RBFOX1: variants seen among roughly 807,000 people sequenced by gnomAD.
RBFOX1 encodes the protein RNA binding protein fox-1 homolog 1.
In RBFOX1, 8 loss-of-function variants were observed where a neutral mutation model predicts 57.7. The ratio of observed to expected loss-of-function variants is 0.14; its 90% CI spans 0.08 to 0.25. RBFOX1 has a LOEUF of 0.25. Among genes scored for constraint, RBFOX1 ranks in the 10% least tolerant of loss-of-function variants. The pLI is 1.00. For missense variants in RBFOX1, 611 were observed against 548.5 expected (o/e 1.11, Z -1.14); for synonymous variants, 326 against 222.4 (o/e 1.47, Z -4.15).
chr16:7,179,230 T>C (rs1333204800), intron 4 of RBFOX1, among the ~76,000 whole-genome samples: 1 of 152,030 alleles, frequency 6.6e-6, no homozygotes, highest in Non-Finnish European at 1.5e-5. Context: ...GGATTTTTTT[T>C]TTTTTTCCAA....
chr16:6,542,290 T>C (rs185000235), intron 2 of RBFOX1, among the ~76,000 whole-genome samples: 16 of 152,038 alleles, frequency 1.1e-4, no homozygotes, highest in South Asian at 8.3e-4. Context: ...CAGATACTTA[T>C]CTGTTTCTTT....
chr16:6,851,982 G>C (rs2094095580), intron 3 of RBFOX1, among the ~76,000 whole-genome samples: 1 of 150,904 alleles, frequency 6.6e-6, no homozygotes, highest in Non-Finnish European at 1.5e-5. Flanking sequence ...CTGGAGTCCA[G>C]TGGTGTGATC....
chr16:6,698,863 C>T (rs1336127064), intron 3 of RBFOX1, among the ~76,000 whole-genome samples: 1 of 152,016 alleles, frequency 6.6e-6, no homozygotes, highest in Non-Finnish European at 1.5e-5. Flanking sequence ...TTAATATGAC[C>T]TTGGAGGGTT....
At chr16:6,474,880 A>G (rs540864339) in intron 2 of RBFOX1, among the ~76,000 whole-genome samples, 1 of 152,306 alleles carries the variant, frequency 6.6e-6, no homozygotes, top group African/African-American at 2.4e-5. Flanking sequence ...AAATATCATA[A>G]CATCAGGAAG....
At chr16:5,686,716 G>A (rs138393981) in intron 3 of RBFOX1, among the ~76,000 whole-genome samples, 190 of 152,236 alleles carry the variant, frequency 1.2e-3, no homozygotes, top group African/African-American at 3.9e-3. Context: ...CTCTCATAGT[G>A]GAAATTGCCG....
intron 3 of RBFOX1, among the ~76,000 whole-genome samples, chr16:5,808,770 G>A (rs1312889545): frequency 6.6e-6 from 1 of 152,158 alleles, no homozygotes; most frequent in Non-Finnish European, 1.5e-5. Context: ...CATTGATTTT[G>A]TATCCTGAGA....
intron 1 of RBFOX1, among the ~76,000 whole-genome samples, chr16:5,428,464 G>A (rs534741572): frequency 6.6e-6 from 1 of 152,320 alleles, no homozygotes; most frequent in East Asian, 1.9e-4. Context: ...GGGAATTGCA[G>A]TGTGGCTGAG....
chr16:5,790,859 A>ATTTTTTTTT (rs1157751312), intron 3 of RBFOX1, among the ~76,000 whole-genome samples: 1 of 112,958 alleles, frequency 8.9e-6, no homozygotes. Context: ...GTGGGTCTTT[A>ATTTTTTTTT]TTTTTTTTTT....
At chr16:6,573,222 C>T (rs1459015780) in intron 2 of RBFOX1, among the ~76,000 whole-genome samples, 1 of 152,138 alleles carries the variant, frequency 6.6e-6, no homozygotes, top group Non-Finnish European at 1.5e-5. Context: ...AACGTTAAAT[C>T]AGCCATCAGA....
intron 3 of RBFOX1, among the ~76,000 whole-genome samples, chr16:5,785,980 C>A (rs961981164): frequency 6.6e-5 from 10 of 152,202 alleles, no homozygotes; most frequent in Non-Finnish European, 1.3e-4. Context: ...CTCCTTACCT[C>A]CTTCTCTTGC....
intron 3 of RBFOX1, among the ~76,000 whole-genome samples, chr16:6,907,621 A>G (rs2070375175): frequency 6.6e-6 from 1 of 152,052 alleles, no homozygotes; most frequent in South Asian, 2.1e-4. Flanking sequence ...CCCAGGCTGG[A>G]TTGCAGTGGC....
At position 6,497,336 on chromosome 16, in the gene RBFOX1, C is replaced by T. The variant is rs145022648; in HGVS notation, c.-63-157267C>T. Among the ~76,000 whole-genome samples the T allele has an allele frequency of 5.3e-3, 804 of 152,210 alleles. 7 individuals are homozygous for T. The highest frequency in any genetic ancestry group is 0.018 in the African/African-American group (756 of 41,522). On this transcript the variant is annotated intron_variant, in intron 2 of 15. Coordinates refer to ENST00000550418, the MANE Select transcript of RBFOX1 (RefSeq NM_018723.4). The stretch of plus-strand genomic sequence containing the variant: ...GATGCAGTATGTTGTTGAGATGTGA[C>T]ATTGACATGGAGCTTGATGCCCTCC...
chr16:6,565,380 C>G (rs1307263481), intron 2 of RBFOX1, among the ~76,000 whole-genome samples: 2 of 152,118 alleles, frequency 1.3e-5, no homozygotes, highest in African/African-American at 2.4e-5. Context: ...GCCTCAGCCT[C>G]CCAAGTAGCT....
At chr16:5,928,700 T>TAA (rs760181311) in intron 4 of RBFOX1, among the ~76,000 whole-genome samples, 23 of 105,830 alleles carry the variant, frequency 2.2e-4, no homozygotes, top group East Asian at 1.5e-3. Context: ...TTCTGCCCAA[T>TAA]AAAAAAAAAA....
chr16:6,673,035 C>G (rs2098777180), intron 3 of RBFOX1, among the ~76,000 whole-genome samples: 1 of 152,160 alleles, frequency 6.6e-6, no homozygotes, highest in Admixed American at 6.5e-5. Flanking sequence ...AGGGGAAAGA[C>G]AGCTCCCTGA....
intron 3 of RBFOX1, among the ~76,000 whole-genome samples, chr16:6,754,840 G>A (rs915545024): frequency 3.3e-5 from 5 of 152,040 alleles, no homozygotes; most frequent in African/African-American, 1.2e-4. Context: ...ATCTCCTAAA[G>A]CTATCCCTCC....
chr16:6,881,023 C>G (rs1017740739), intron 3 of RBFOX1, among the ~76,000 whole-genome samples: 1 of 152,176 alleles, frequency 6.6e-6, no homozygotes, highest in Non-Finnish European at 1.5e-5. Flanking sequence ...GTGGCCCATA[C>G]CCTCCACCTT....
chr16:6,089,235 T>G (rs775451762), intron 1 of RBFOX1, among the ~76,000 whole-genome samples: 117 of 152,096 alleles, frequency 7.7e-4, no homozygotes, highest in Non-Finnish European at 1.3e-3. Flanking sequence ...AGATCCCGAT[T>G]AACTGAGTAG....
chr16:6,765,894 A>G (rs1022988573), intron 3 of RBFOX1, among the ~76,000 whole-genome samples: 2 of 152,322 alleles, frequency 1.3e-5, no homozygotes, highest in Non-Finnish European at 2.9e-5. Context: ...AAAAGCAAAT[A>G]CTGCATTTCT....
Sources: gnomAD v4.1 joint callset for allele counts (sites outside exome capture counted in the v4.1 genomes callset) on GRCh38, gnomAD v4.1.1 for gene constraint, MANE v1.5 for transcripts, NCBI Gene and HGNC (gene_info 2026-07-23, HGNC 2026-07-21) for gene names.